NEMP2: variants seen among roughly 807,000 people sequenced by gnomAD.
NEMP2 encodes UPF0571 transmembrane protein.
In NEMP2, 53 loss-of-function variants were observed where a neutral mutation model predicts 54.2. The observed-to-expected ratio is 0.98, with a 90% confidence interval of 0.78 to 1.23. The LOEUF is 1.23. Among genes scored for constraint, NEMP2 ranks in the 50% most tolerant of loss-of-function variants. NEMP2 has a pLI of 0.00. For synonymous variants in NEMP2, 197 were observed against 190.3 expected, an observed-to-expected ratio of 1.04 and a Z score of -0.29; for missense variants, 455 against 511.3, an observed-to-expected ratio of 0.89 and a Z score of 1.06.
the NEMP2 span, among the ~76,000 whole-genome samples, chr2:190,563,910 C>G: frequency 2.8e-3 from 423 of 152,328 alleles, 2 homozygotes; most frequent in African/African-American, 9.7e-3. This position sits in a 1 kb window ranked among gnomAD's most constrained non-coding sequence, Gnocchi z 4.3. Flanking sequence ...CCAGGGGAGG[C>G]GGGGAGGCCA....
the NEMP2 span, among the ~76,000 whole-genome samples, chr2:190,472,407 T>G: frequency 6.6e-6 from 1 of 152,166 alleles, no homozygotes; most frequent in Non-Finnish European, 1.5e-5. Context: ...CTGATGGAGC[T>G]GAAAACCACG....
the NEMP2 span, among the ~76,000 whole-genome samples, chr2:190,579,702 C>A: frequency 6.6e-6 from 1 of 152,148 alleles, no homozygotes; most frequent in African/African-American, 2.4e-5. Context: ...TCCACAGTAA[C>A]CCCAAAACAA....
rs1176291589 is a variant in NEMP2, at chr2:190,527,688, T to C, written c.98-2310A>G. Among the ~76,000 whole-genome samples, 1 of 152,074 alleles carries C rather than the reference T, an allele frequency of 6.6e-6. No individual in the cohort carries two copies. Among genetic ancestry groups the C allele is most frequent in the African/African-American group, 2.4e-5 (1 of 41,394 alleles). ...GGGGCCAAGGACCAATACCAGTCCATGGTCTGTTAGGAACAGGGCTGCAGG... is the reference window on the plus strand; with the variant it reads ...GGGGCCAAGGACCAATACCAGTCCACGGTCTGTTAGGAACAGGGCTGCAGG... On this transcript the variant is annotated intron_variant, in intron 1 of 8. Transcript: ENST00000409150. The surrounding 1 kb of genome is among the most constrained non-coding windows in gnomAD (Gnocchi z 4.0).
the NEMP2 span, among the ~76,000 whole-genome samples, chr2:190,576,893 T>C: frequency 6.6e-6 from 1 of 152,236 alleles, no homozygotes; most frequent in Non-Finnish European, 1.5e-5. Flanking sequence ...ACATGCCTTT[T>C]CTGTATGCAA....
the NEMP2 span, among the ~76,000 whole-genome samples, chr2:190,458,519 C>T: frequency 6.6e-6 from 1 of 152,152 alleles, no homozygotes; most frequent in Non-Finnish European, 1.5e-5. The surrounding 1 kb of genome is among the most constrained non-coding windows in gnomAD (Gnocchi z 5.3). Context: ...GCCACCCAGT[C>T]TGTGGTATTT....
the NEMP2 span, among the ~76,000 whole-genome samples, chr2:190,580,296 C>A: frequency 6.6e-6 from 1 of 152,124 alleles, no homozygotes; most frequent in East Asian, 1.9e-4. The surrounding 1 kb of genome is among the most constrained non-coding windows in gnomAD (Gnocchi z 5.3). Flanking sequence ...AGGAGAGAAG[C>A]CTTGTGATGC....
the NEMP2 span, among the ~76,000 whole-genome samples, chr2:190,441,669 C>G: frequency 6.6e-6 from 1 of 152,070 alleles, no homozygotes; most frequent in African/African-American, 2.4e-5. Flanking sequence ...AGTCCTCTCT[C>G]TCTGTAGCTT....
At chr2:190,636,272 T>C in the NEMP2 span, among the ~76,000 whole-genome samples, 1 of 152,212 alleles carries the variant, frequency 6.6e-6, no homozygotes, top group South Asian at 2.1e-4. Flanking sequence ...GTACTTTAAT[T>C]ATGAGGAAAA....
At chr2:190,437,365 C>G in the NEMP2 span, 22 of 1,614,120 alleles carry the variant, frequency 1.4e-5, no homozygotes, top group Non-Finnish European at 1.9e-5. The surrounding 1 kb of genome is among the most constrained non-coding windows in gnomAD (Gnocchi z 5.9). Context: ...CTGCAGCGTG[C>G]AGTATGGCTC....
chr2:190,631,098 C>G, the NEMP2 span, among the ~76,000 whole-genome samples: 4 of 152,092 alleles, frequency 2.6e-5, no homozygotes, highest in South Asian at 8.3e-4. Context: ...TTTCAACAGG[C>G]CAAGCGTATC....
rs1023939507 is a variant in NEMP2 at position 190,507,604 on chromosome 2, G to T, written c.*1585C>A. 1.3e-5 allele frequency: 2 copies of T among 151,708 alleles called. No homozygotes were observed. The highest frequency in any genetic ancestry group is 1.5e-5 in the Non-Finnish European group (1 of 67,954). 9.4% of individuals were successfully genotyped at this position (151,708 alleles called of 1,614,324 possible). On this transcript the variant is annotated 3_prime_UTR_variant, in exon 9 of 9. Transcript: ENST00000409150. The surrounding 1 kb of genome is among the most constrained non-coding windows in gnomAD (Gnocchi z 4.4). ...ATCTGAATGGAAAATATATCCTTTGGTTTTTTAAAAATCCAAGTCTATATA... is the reference window on the plus strand; with the variant it reads ...ATCTGAATGGAAAATATATCCTTTGTTTTTTTAAAAATCCAAGTCTATATA...
the NEMP2 span, among the ~76,000 whole-genome samples, chr2:190,603,382 T>C: frequency 6.6e-6 from 1 of 151,934 alleles, no homozygotes; most frequent in Non-Finnish European, 1.5e-5. Context: ...AGTGATTACG[T>C]AATGGTTGCA....
At chr2:190,437,150 T>C in the NEMP2 span, 7 of 1,614,118 alleles carry the variant, frequency 4.3e-6, no homozygotes, top group Non-Finnish European at 5.1e-6. The surrounding 1 kb of genome is among the most constrained non-coding windows in gnomAD (Gnocchi z 5.9). Flanking sequence ...GTCTTCATCG[T>C]CTTCGGCGTT....
chr2:190,473,854 T>C, the NEMP2 span, among the ~76,000 whole-genome samples: 5 of 152,268 alleles, frequency 3.3e-5, 1 homozygote, highest in South Asian at 6.2e-4. Context: ...ACAGAAATTA[T>C]AACAAACTGT....
At chr2:190,592,172 A>G in the NEMP2 span, among the ~76,000 whole-genome samples, 1 of 152,150 alleles carries the variant, frequency 6.6e-6, no homozygotes, top group South Asian at 2.1e-4. This position sits in a 1 kb window ranked among gnomAD's most constrained non-coding sequence, Gnocchi z 4.4. Context: ...CTGGGCTTGA[A>G]TTTCAGCTCT....
chr2:190,590,772 C>A, the NEMP2 span, among the ~76,000 whole-genome samples: 1 of 152,202 alleles, frequency 6.6e-6, no homozygotes, highest in Non-Finnish European at 1.5e-5. The surrounding 1 kb of genome is among the most constrained non-coding windows in gnomAD (Gnocchi z 5.1). Flanking sequence ...CATCTGCTAA[C>A]TGTTGTGAGT....
chr2:190,440,426 A>G, the NEMP2 span, among the ~76,000 whole-genome samples: 1 of 152,234 alleles, frequency 6.6e-6, no homozygotes, highest in Admixed American at 6.5e-5. Context: ...ACTTTTAAAA[A>G]TAAATTTCTT....
At position 190,520,532 on chromosome 2, in the gene NEMP2, C is replaced by T. The variant is rs73979281; in HGVS notation, c.214-1349G>A. Among the ~76,000 whole-genome samples, 1 of 152,196 alleles carries T rather than the reference C, an allele frequency of 6.6e-6. No homozygotes were observed. The highest frequency in any genetic ancestry group is 1.5e-5 in the Non-Finnish European group (1 of 68,038). On this transcript the variant is annotated intron_variant, in intron 2 of 8. Coordinates refer to ENST00000409150, the MANE Select transcript of NEMP2 (RefSeq NM_001142645.2). The surrounding 1 kb of genome is among the most constrained non-coding windows in gnomAD (Gnocchi z 5.4). ...ATATCACTCACTATCTATCTACCAA[C>T]CCCTGCATTTCTCTTTGACTTTGGC... is the stretch of plus-strand genomic sequence containing the variant.
chr2:190,423,323 T>G, the NEMP2 span, among the ~76,000 whole-genome samples: 1 of 152,234 alleles, frequency 6.6e-6, no homozygotes, highest in African/African-American at 2.4e-5. The surrounding 1 kb of genome is among the most constrained non-coding windows in gnomAD (Gnocchi z 4.3). Flanking sequence ...GGCAATCACC[T>G]GTCTATCTCT....
Sources: gnomAD v4.1 joint callset for allele counts (sites outside exome capture counted in the v4.1 genomes callset) on GRCh38, gnomAD v4.1.1 for gene constraint, Gnocchi (gnomAD v3.1) non-coding constraint, MANE v1.5 for transcripts, NCBI Gene and HGNC (gene_info 2026-07-23, HGNC 2026-07-21) for gene names.